ZNF385D: variants seen among roughly 807,000 people sequenced by gnomAD.
The protein encoded by ZNF385D is zinc finger protein 659.
ZNF385D carries 15 observed loss-of-function variants against 35.8 expected under a neutral mutation model. That is an observed-to-expected ratio of 0.42 (90% confidence interval 0.28 to 0.64). The LOEUF (loss-of-function observed/expected upper bound fraction) is 0.64, where lower values mean the gene tolerates loss of function less well. ZNF385D is among the 30% of genes least tolerant of loss of function. The pLI, the probability that ZNF385D is intolerant of heterozygous loss-of-function variation, is 0.23. For missense variants in ZNF385D, 474 were observed against 494.6 expected (o/e 0.96, Z 0.39); for synonymous variants, 212 against 186.8 (o/e 1.13, Z -1.10).
chr3:21,504,293 G>A (rs1706610276), intron 4 of ZNF385D, among the ~76,000 whole-genome samples: 1 of 151,802 alleles, frequency 6.6e-6, no homozygotes. Flanking sequence ...TCCTTTAGGG[G>A]TTAGACTTGA....
intron 3 of ZNF385D, among the ~76,000 whole-genome samples, chr3:21,882,385 C>A (rs1698324647): frequency 6.7e-6 from 1 of 149,794 alleles, no homozygotes. Context: ...TGATTGTAAG[C>A]ATTTTTTAGT....
At chr3:22,100,812 A>C (rs2125623965) in intron 3 of ZNF385D, among the ~76,000 whole-genome samples, 1 of 152,116 alleles carries the variant, frequency 6.6e-6, no homozygotes, top group South Asian at 2.1e-4. Context: ...GTGCACATGT[A>C]CCCTAAAACT....
chr3:21,993,575 A>C (rs1382144177), intron 3 of ZNF385D, among the ~76,000 whole-genome samples: 1 of 152,244 alleles, frequency 6.6e-6, no homozygotes, highest in Non-Finnish European at 1.5e-5. Context: ...ATTCATCATT[A>C]ATAATGTAGT....
chr3:22,103,591 A>G (rs2125629586), intron 3 of ZNF385D, among the ~76,000 whole-genome samples: 1 of 152,228 alleles, frequency 6.6e-6, no homozygotes, highest in African/African-American at 2.4e-5. Context: ...GAACCAACAT[A>G]ATGTTATGAA....
At chr3:21,696,644 C>T (rs917388075) in intron 1 of ZNF385D, among the ~76,000 whole-genome samples, 1 of 152,204 alleles carries the variant, frequency 6.6e-6, no homozygotes, top group Non-Finnish European at 1.5e-5. Context: ...TACCCATATC[C>T]ATCAGACAGT....
chr3:21,778,786 T>G (rs1320843667), intron 3 of ZNF385D, among the ~76,000 whole-genome samples: 2 of 151,954 alleles, frequency 1.3e-5, no homozygotes, highest in African/African-American at 2.4e-5. Context: ...AATAAGCCAC[T>G]GTGGTTAAGT....
intron 2 of ZNF385D, among the ~76,000 whole-genome samples, chr3:22,244,151 C>A (rs75801364): frequency 2.0e-5 from 3 of 150,274 alleles, no homozygotes; most frequent in African/African-American, 7.4e-5. Flanking sequence ...GTACTCTGTG[C>A]AAGAACCTTC....
chr3:21,823,580 G>A (rs1473203674), intron 3 of ZNF385D, among the ~76,000 whole-genome samples: 1 of 152,158 alleles, frequency 6.6e-6, no homozygotes, highest in Non-Finnish European at 1.5e-5. Context: ...GCGTTGCTAT[G>A]TTCAGATGAA....
chr3:22,162,395 T>C (rs141016954), intron 3 of ZNF385D, among the ~76,000 whole-genome samples: 248 of 152,250 alleles, frequency 1.6e-3, no homozygotes, highest in African/African-American at 5.9e-3. Context: ...ACAGGCTTTC[T>C]CTGAAGCCCC....
At chr3:22,032,973 A>T (rs1356222770) in intron 3 of ZNF385D, among the ~76,000 whole-genome samples, 2 of 151,124 alleles carry the variant, frequency 1.3e-5, no homozygotes, top group South Asian at 2.1e-4. Flanking sequence ...GATCTGCATC[A>T]TTCCGTTATA....
chr3:21,721,182 G>A (rs1356345448), intron 1 of ZNF385D, among the ~76,000 whole-genome samples: 1 of 151,980 alleles, frequency 6.6e-6, no homozygotes, highest in Admixed American at 6.6e-5. Context: ...GGTTGTCTAT[G>A]AGTCCCCTAA....
At chr3:21,961,134 A>G (rs375657609) in intron 3 of ZNF385D, among the ~76,000 whole-genome samples, 1 of 152,132 alleles carries the variant, frequency 6.6e-6, no homozygotes, top group South Asian at 2.1e-4. Flanking sequence ...TGATTTGAGT[A>G]TTATACACTG....
At chr3:21,859,025 CAT>C (rs947792091) in intron 3 of ZNF385D, among the ~76,000 whole-genome samples, 7 of 151,958 alleles carry the variant, frequency 4.6e-5, no homozygotes, top group African/African-American at 1.7e-4. Flanking sequence ...CATCCTCATA[CAT>C]ATAACGGGGG....
At chr3:22,019,002 C>T (rs1057097760) in intron 3 of ZNF385D, among the ~76,000 whole-genome samples, 1 of 144,860 alleles carries the variant, frequency 6.9e-6, no homozygotes, top group East Asian at 2.0e-4. Flanking sequence ...ACTTCTTTAC[C>T]ACTTCCCAGT....
At chr3:22,143,791 T>G (rs2125708050) in intron 3 of ZNF385D, among the ~76,000 whole-genome samples, 1 of 152,354 alleles carries the variant, frequency 6.6e-6, no homozygotes, top group South Asian at 2.1e-4. Flanking sequence ...ATTTGGAGTT[T>G]GAATTCATCT....
At chr3:22,275,948 G>A (rs1701405465) in intron 2 of ZNF385D, among the ~76,000 whole-genome samples, 1 of 152,064 alleles carries the variant, frequency 6.6e-6, no homozygotes, top group African/African-American at 2.4e-5. Flanking sequence ...AGCTGGGCAT[G>A]GTGGCGTGTG....
chr3:21,450,981 T>C (rs1702421956), intron 4 of ZNF385D, among the ~76,000 whole-genome samples: 2 of 152,280 alleles, frequency 1.3e-5, no homozygotes, highest in South Asian at 4.1e-4. Context: ...ATGAGAGAAA[T>C]TATTTGTATT....
intron 3 of ZNF385D, among the ~76,000 whole-genome samples, chr3:21,559,584 C>A (rs2125630007): frequency 6.6e-6 from 1 of 152,220 alleles, no homozygotes; most frequent in East Asian, 1.9e-4. Context: ...TCCCTGTCTG[C>A]CCTTCACATT....
At chr3:22,206,355 T>C (rs1697153664) in intron 2 of ZNF385D, among the ~76,000 whole-genome samples, 1 of 151,906 alleles carries the variant, frequency 6.6e-6, no homozygotes, top group African/African-American at 2.4e-5. Flanking sequence ...TCCCACTGTC[T>C]GCATTGGACA....
Sources: allele counts gnomAD v4.1 joint callset (sites outside exome capture counted in the v4.1 genomes callset), GRCh38; gene constraint gnomAD v4.1.1; transcripts MANE v1.5; gene names NCBI Gene and HGNC (gene_info 2026-07-23, HGNC 2026-07-21).